Variants in UNC5D observed in about 807,000 individuals in gnomAD.
UNC5D encodes netrin receptor UNC5D.
Under a neutral mutation model 105.4 loss-of-function variants are expected in UNC5D, and 39 were observed. The observed-to-expected ratio is 0.37, with a 90% CI of 0.29 to 0.48. UNC5D has a LOEUF of 0.48. UNC5D is among the 20% of genes least tolerant of loss of function. The probability of loss-of-function intolerance (pLI) is 0.98; values close to 1 mark genes in which losing one functional copy is unlikely to be tolerated. For synonymous variants in UNC5D, 452 were observed against 450.4 expected (o/e 1.00, Z -0.04); for missense variants, 991 against 1,202.4 (o/e 0.82, Z 2.60).
chr8:35,380,088 G>C (rs1302742112), intron 1 of UNC5D, among the ~76,000 whole-genome samples: 1 of 2,728 alleles, frequency 3.7e-4, no homozygotes, highest in African/African-American at 6.9e-4. Flanking sequence ...AATTGGGGGT[G>C]GGGGGGGGGT....
chr8:35,350,060 A>T lies in UNC5D; in HGVS notation c.103+114173A>T, dbSNP rs551293251. ...ATTAAATTAATAATTTAATTTAATA[A>T]ATTAATTTATTTTTTTTGCCTGGAT... On this transcript the variant is annotated intron_variant, in intron 1 of 16. Transcript: ENST00000404895. 4.6e-5 allele frequency among the ~76,000 whole-genome samples: 7 copies of T among 151,816 alleles called. 1 individual carries two copies. Among genetic ancestry groups the T allele is most frequent in the African/African-American group, 1.7e-4 (7 of 41,344 alleles).
intron 1 of UNC5D, among the ~76,000 whole-genome samples, chr8:35,316,957 CA>C (rs1364843277): frequency 2.6e-5 from 4 of 152,116 alleles, no homozygotes; most frequent in Non-Finnish European, 5.9e-5. Context: ...CATTTCAGCA[CA>C]AAATAAATGT....
intron 1 of UNC5D, among the ~76,000 whole-genome samples, chr8:35,449,154 A>G (rs1184989645): frequency 2.6e-5 from 4 of 152,226 alleles, no homozygotes; most frequent in Non-Finnish European, 5.9e-5. Context: ...TGATAAACAT[A>G]CAAGTACAGG....
chr8:35,718,916 TG>T (rs1329049744), intron 8 of UNC5D, among the ~76,000 whole-genome samples: 2 of 151,980 alleles, frequency 1.3e-5, no homozygotes, highest in African/African-American at 4.8e-5. Context: ...CAATTGCACT[TG>T]GGATGAATGA....
At position 35,362,058 on chromosome 8, in the gene UNC5D, G is replaced by C. The variant is rs957897522; in HGVS notation, c.103+126171G>C. Among the ~76,000 whole-genome samples the C allele has an allele frequency of 3.9e-5, 6 of 152,180 alleles. No individual in the cohort carries two copies. In the South Asian group the frequency reaches 8.3e-4, roughly 21 times the overall value. ...AATATCTTTGATTTGATGGGTTATAGTATTAATCTGTAGTATCAGACATGA... is the reference window on the plus strand; with the variant it reads ...AATATCTTTGATTTGATGGGTTATACTATTAATCTGTAGTATCAGACATGA... On this transcript the variant is annotated intron_variant, in intron 1 of 16. Coordinates refer to ENST00000404895, the MANE Select transcript of UNC5D (RefSeq NM_080872.4).
intron 7 of UNC5D, among the ~76,000 whole-genome samples, chr8:35,687,441 CAAAAAAAAAAAA>C (rs34104800): frequency 1.9e-5 from 1 of 53,088 alleles, no homozygotes; most frequent in Non-Finnish European, 4.2e-5. Context: ...GACTCCGTCT[CAAAAAAAAAAAA>C]AAAAAAAAAA....
At chr8:35,569,991 C>G (rs1404241302) in intron 3 of UNC5D, among the ~76,000 whole-genome samples, 1 of 152,184 alleles carries the variant, frequency 6.6e-6, no homozygotes, top group South Asian at 2.1e-4. Flanking sequence ...TCCTCCCCAT[C>G]TCTGTCCTTC....
intron 1 of UNC5D, among the ~76,000 whole-genome samples, chr8:35,503,294 A>T (rs1036440098): frequency 6.6e-6 from 1 of 152,188 alleles, no homozygotes; most frequent in Non-Finnish European, 1.5e-5. Flanking sequence ...AAGAGGTTTA[A>T]TGGATTCACA....
At chr8:35,517,366 T>C (rs146400329) in intron 1 of UNC5D, among the ~76,000 whole-genome samples, 269 of 152,204 alleles carry the variant, frequency 1.8e-3, no homozygotes, top group African/African-American at 6.0e-3. Context: ...ACAAAGCAAA[T>C]CTTAACATGA....
At chr8:35,586,103 G>A (rs955207802) in intron 3 of UNC5D, among the ~76,000 whole-genome samples, 5 of 151,886 alleles carry the variant, frequency 3.3e-5, no homozygotes, top group African/African-American at 7.3e-5. Flanking sequence ...AGAAACCCCC[G>A]TTTCTACTAA....
chr8:35,249,466 G>T (rs1000925879), intron 1 of UNC5D, among the ~76,000 whole-genome samples: 17 of 150,996 alleles, frequency 1.1e-4, no homozygotes, highest in Non-Finnish European at 1.9e-4. Context: ...GCTGAGGCAG[G>T]AGAATCGCTT....
chr8:35,695,549 A>C (rs1826704810), intron 7 of UNC5D, among the ~76,000 whole-genome samples: 1 of 152,020 alleles, frequency 6.6e-6, no homozygotes, highest in African/African-American at 2.4e-5. Context: ...AAAATAAAAT[A>C]AAATAAACCC....
chr8:35,650,774 G>C (rs1244167123), intron 4 of UNC5D, among the ~76,000 whole-genome samples: 1 of 152,108 alleles, frequency 6.6e-6, no homozygotes, highest in Non-Finnish European at 1.5e-5. Flanking sequence ...GCCCAGCCAA[G>C]AACTGCTGTC....
At chr8:35,306,460 G>A (rs1563298889) in intron 1 of UNC5D, among the ~76,000 whole-genome samples, 1 of 151,974 alleles carries the variant, frequency 6.6e-6, no homozygotes, top group Non-Finnish European at 1.5e-5. Context: ...TTTTTCTGTG[G>A]TTTTGCCTGA....
intron 15 of UNC5D, among the ~76,000 whole-genome samples, chr8:35,771,421 CA>C (rs1410520238): frequency 2.0e-5 from 3 of 151,018 alleles, no homozygotes; most frequent in African/African-American, 7.3e-5. Flanking sequence ...TGTATAGAAT[CA>C]AAAAAAAATT....
chr8:35,332,926 T>C (rs1276583553), intron 1 of UNC5D, among the ~76,000 whole-genome samples: 1 of 152,236 alleles, frequency 6.6e-6, no homozygotes, highest in Non-Finnish European at 1.5e-5. Flanking sequence ...ATTGCTCTTC[T>C]GAGTGGGGTG....
intron 4 of UNC5D, among the ~76,000 whole-genome samples, chr8:35,632,051 G>C (rs4610742): frequency 0.17 from 25,190 of 152,068 alleles, 2,265 homozygotes; most frequent in East Asian, 0.26. Context: ...TCATCACAAA[G>C]CCATGCTGTT....
intron 4 of UNC5D, among the ~76,000 whole-genome samples, chr8:35,612,723 CTTTTTTTTTTTT>C (rs57450378): frequency 3.1e-5 from 2 of 64,750 alleles, no homozygotes; most frequent in East Asian, 5.5e-4. Flanking sequence ...AATGTTTTGC[CTTTTTTTTTTTT>C]TTTTTTTTTT....
intron 1 of UNC5D, among the ~76,000 whole-genome samples, chr8:35,469,698 A>C (rs949812716): frequency 6.6e-6 from 1 of 152,228 alleles, no homozygotes; most frequent in African/African-American, 2.4e-5. Context: ...AAAGAAGGGC[A>C]TTTAAGGAAA....
Sources: allele counts gnomAD v4.1 joint callset (sites outside exome capture counted in the v4.1 genomes callset), GRCh38; gene constraint gnomAD v4.1.1; transcripts MANE v1.5; gene names NCBI Gene and HGNC (gene_info 2026-07-23, HGNC 2026-07-21).